The following OR4K17 variants were observed in gnomAD, a reference collection of about 807,000 sequenced individuals.
OR4K17 encodes olfactory receptor family 4 subfamily K member 17.
For missense variants in OR4K17, 480 were observed against 366.3 expected, an observed-to-expected ratio of 1.31 and a Z score of -2.53; for synonymous variants, 157 against 132.8, an observed-to-expected ratio of 1.18 and a Z score of -1.25.
intron 1 of OR4K17, among the ~76,000 whole-genome samples, chr14:20,114,980 C>T (rs1017452057): frequency 3.9e-5 from 6 of 152,044 alleles, no homozygotes; most frequent in Non-Finnish European, 8.8e-5. Context: ...AAGCCACTGT[C>T]AAGCTTAAAC....
At chr14:20,115,517 AAAT>A (rs1877969831) in intron 1 of OR4K17, among the ~76,000 whole-genome samples, 1 of 152,062 alleles carries the variant, frequency 6.6e-6, no homozygotes, top group African/African-American at 2.4e-5. Context: ...TATAATCCAG[AAAT>A]AATAAGAAAG....
rs1878157276 is a variant in OR4K17, at chr14:20,121,106, GT to G, written c.*2669del. ...CCTCCATACAGGGGAAGTTCTTTCTGTACTGAAACCAGCCTGTGAAGTCTGG... is the reference window on the plus strand; with the variant it reads ...CCTCCATACAGGGGAAGTTCTTTCTGACTGAAACCAGCCTGTGAAGTCTGG... On this transcript the variant is annotated 3_prime_UTR_variant, in exon 2 of 2. Coordinates refer to ENST00000641386, the MANE Select transcript of OR4K17 (RefSeq NM_001004715.5). 2.0e-5 allele frequency: 3 copies of G among 152,150 alleles called. No individual in the cohort carries two copies. The highest frequency in any genetic ancestry group is 7.2e-5 in the African/African-American group (3 of 41,430). 9.4% of individuals were successfully genotyped at this position (152,150 alleles called of 1,614,324 possible).
Position 20,117,619 on chromosome 14 carries a change from G to A in OR4K17, c.120G>A (p.Leu40=). Residue 40 remains leucine, a synonymous_variant, in exon 2 of 2, where the codon TTG becomes TTA. Transcript: ENST00000641386. ...LFSVIYVVTV[L]GNLLIIVTVF... is the part of the protein sequence containing the mutation. ...CGGTTATCTATGTGGTCACAGTTTT[G>A]GGTAACCTTCTTATTATAGTCACAG... 1.2e-6 allele frequency: 2 copies of A among 1,613,618 alleles called. No homozygotes were observed. The highest frequency in any genetic ancestry group is 1.7e-6 in the Non-Finnish European group (2 of 1,179,802).
chr14:20,113,668 C>T (rs1295922268), intron 1 of OR4K17, among the ~76,000 whole-genome samples: 1 of 151,874 alleles, frequency 6.6e-6, no homozygotes, highest in Non-Finnish European at 1.5e-5. Context: ...GTACAGAAAA[C>T]CTTGAGTACA....
At chr14:20,111,722 A>G (rs892894785) in intron 1 of OR4K17, among the ~76,000 whole-genome samples, 1 of 152,178 alleles carries the variant, frequency 6.6e-6, no homozygotes, top group Admixed American at 6.6e-5. Flanking sequence ...AGATGAATAA[A>G]GAAGAGCTTA....
At chr14:20,111,473 C>A (rs1877882149) in intron 1 of OR4K17, among the ~76,000 whole-genome samples, 1 of 151,928 alleles carries the variant, frequency 6.6e-6, no homozygotes, top group African/African-American at 2.4e-5. Context: ...TTTCCTGAAA[C>A]TATCTTTCTA....
At chr14:20,114,577 C>T (rs867758345) in intron 1 of OR4K17, among the ~76,000 whole-genome samples, 1 of 152,018 alleles carries the variant, frequency 6.6e-6, no homozygotes, top group Non-Finnish European at 1.5e-5. Flanking sequence ...AGTCTTAATT[C>T]TGTTTCCATT....
At position 20,117,843 on chromosome 14, in the gene OR4K17, T is replaced by G; in HGVS notation, c.344T>G (p.Leu115Trp). The part of the protein sequence containing the change: ...HLLGGVEMVL[L>W]VSMAFDRYVA... ...CTGGGTGGGGTTGAAATGGTACTGT[T>G]GGTCTCCATGGCTTTTGACAGATAT... Residue 115 changes from leucine to tryptophan, a missense_variant, in exon 2 of 2, where the codon TTG becomes TGG. Transcript: ENST00000641386. The G allele has an allele frequency of 1.9e-6, 3 of 1,614,100 alleles. No homozygotes were observed. Among genetic ancestry groups the G allele is most frequent in the Non-Finnish European group, 2.5e-6 (3 of 1,180,008 alleles).
At position 20,117,578 on chromosome 14, in the gene OR4K17, C is replaced by G. The variant is rs1878026258; in HGVS notation, c.79C>G (p.Leu27Val). Reference sequence around the variant, plus strand: ...CAGCTCCCAGGATGTAGAGTTTCTTCTCTTTGCCCTCTTCTCGGTTATCTA... The same window carrying G: ...CAGCTCCCAGGATGTAGAGTTTCTTGTCTTTGCCCTCTTCTCGGTTATCTA... ...LTSSQDVEFL[L>V]FALFSVIYVV... The change falls in exon 2 of 2, where the codon CTC becomes GTC. Residue 27 changes from leucine (L) to valine (V), a missense_variant. Leu to Val is a conservative substitution (Grantham distance 32, BLOSUM62 1). Coordinates refer to ENST00000641386, the MANE Select transcript of OR4K17 (RefSeq NM_001004715.5). 2 of 1,613,818 alleles carry G rather than the reference C, an allele frequency of 1.2e-6. No individual in the cohort carries two copies. The highest frequency in any genetic ancestry group is 3.3e-5 in the Admixed American group (2 of 59,952).
In OR4K17 at chr14:20,120,371, T is replaced by TA. The variant is rs1470549626; in HGVS notation, c.*1937dup. On this transcript the variant is annotated 3_prime_UTR_variant, in exon 2 of 2. Coordinates refer to ENST00000641386, the MANE Select transcript of OR4K17 (RefSeq NM_001004715.5). ...GATACCTTTATGGTTGTTAATATTA[T>TA]AAAATCTCACTTTCACCTCCTTGTC... The TA allele has an allele frequency of 1.3e-5, 2 of 152,206 alleles. No individual in the cohort carries two copies. Among genetic ancestry groups the TA allele is most frequent in the African/African-American group, 4.8e-5 (2 of 41,452 alleles). The allele number at this position is 152,206 out of a possible 1,614,324, so 9.4% of individuals were successfully genotyped here. A position where few individuals can be genotyped will look rare whatever the true frequency, so the allele number is the denominator to read the frequency against.
Position 20,119,573 on chromosome 14 carries a change from G to T in OR4K17, c.*1135G>T, listed in dbSNP as rs1878109629. On this transcript the variant is annotated 3_prime_UTR_variant, in exon 2 of 2. Coordinates refer to ENST00000641386, the MANE Select transcript of OR4K17 (RefSeq NM_001004715.5). Reference sequence around the variant, plus strand: ...GCTTCAGCAGGTCCCTCTGTTCGGGGTCCCTGACTTCCCGCAACAGAGCCA... The same window carrying T: ...GCTTCAGCAGGTCCCTCTGTTCGGGTTCCCTGACTTCCCGCAACAGAGCCA... 6.6e-6 allele frequency: 1 copy of T among 152,502 alleles called. No homozygotes were observed. The highest frequency in any genetic ancestry group is 1.5e-5 in the Non-Finnish European group (1 of 68,032). The allele number at this position is 152,502 out of a possible 1,614,324, so 9.4% of individuals were successfully genotyped here.
In OR4K17 at chr14:20,118,360, T is replaced by C. The variant is rs12101112; in HGVS notation, c.861T>C (p.Tyr287=). ...IITPILNPII[Y]TLRNKEMKIS... is the part of the protein sequence containing the mutation. Reference sequence around the variant, plus strand: ...CTCCTATCTTGAATCCAATTATCTATACTCTGAGAAACAAAGAAATGAAGA... The same window carrying C: ...CTCCTATCTTGAATCCAATTATCTACACTCTGAGAAACAAAGAAATGAAGA... Residue 287 remains tyrosine, a synonymous_variant, in exon 2 of 2, where the codon TAT becomes TAC. Transcript: ENST00000641386. The C allele has an allele frequency of 2.5e-3, 4,088 of 1,610,616 alleles. 107 individuals are homozygous for C. In the African/African-American group the frequency reaches 0.049, roughly 19 times the overall value.
chr14:20,113,415 G>A (rs1877922619), intron 1 of OR4K17, among the ~76,000 whole-genome samples: 1 of 151,920 alleles, frequency 6.6e-6, no homozygotes, highest in African/African-American at 2.4e-5. Flanking sequence ...ATGAAGTCCT[G>A]AATTTGAATC....
rs148379034 is a variant in OR4K17 at position 20,112,681 on chromosome 14, T to C, written c.-33+1789T>C. On this transcript the variant is annotated intron_variant, in intron 1 of 1. Transcript: ENST00000641386. ...CCAGCTCAAGTCCTTGAACCTGATATACATGTTTTCCTCAGAGAAGGTTTA... is the reference window on the plus strand; with the variant it reads ...CCAGCTCAAGTCCTTGAACCTGATACACATGTTTTCCTCAGAGAAGGTTTA... Among the ~76,000 whole-genome samples the C allele has an allele frequency of 5.3e-3, 811 of 152,130 alleles. 11 individuals carry two copies. Among genetic ancestry groups the C allele is most frequent in the African/African-American group, 0.018 (755 of 41,534 alleles).
In OR4K17 at chr14:20,119,699, G is replaced by T. The variant is rs540525642; in HGVS notation, c.*1261G>T. On this transcript the variant is annotated 3_prime_UTR_variant, in exon 2 of 2. Coordinates refer to ENST00000641386, the MANE Select transcript of OR4K17 (RefSeq NM_001004715.5). Reference sequence around the variant, plus strand: ...CCAAAAATACAAAAATTAGCCAGGCGTGGTGGTGCATCCCTGCAATCCCAG... The same window carrying T: ...CCAAAAATACAAAAATTAGCCAGGCTTGGTGGTGCATCCCTGCAATCCCAG... 1 of 152,192 alleles carries T rather than the reference G, an allele frequency of 6.6e-6. No homozygotes were observed. Among genetic ancestry groups the T allele is most frequent in the African/African-American group, 2.4e-5 (1 of 41,502 alleles). 9.4% of individuals were successfully genotyped at this position (152,192 alleles called of 1,614,324 possible). A position where few individuals can be genotyped will look rare whatever the true frequency, so the allele number is the denominator to read the frequency against.
rs1262325195 is a variant in OR4K17, at chr14:20,119,806, C to A, written c.*1368C>A. 1 of 152,056 alleles carries A rather than the reference C, an allele frequency of 6.6e-6. No individual in the cohort carries two copies. The highest frequency in any genetic ancestry group is 2.4e-5 in the African/African-American group (1 of 41,386). The allele number at this position is 152,056 out of a possible 1,614,324, so 9.4% of individuals were successfully genotyped here. On this transcript the variant is annotated 3_prime_UTR_variant, in exon 2 of 2. Coordinates refer to ENST00000641386, the MANE Select transcript of OR4K17 (RefSeq NM_001004715.5). ...TGAGCTGAGTTTGTGTCACTGCCCT[C>A]CAGCCTGGGTGACAGAGTGAGAGTC... is the stretch of plus-strand genomic sequence containing the variant.
At chr14:20,116,627 C>T (rs987583676) in intron 1 of OR4K17, among the ~76,000 whole-genome samples, 1 of 152,084 alleles carries the variant, frequency 6.6e-6, no homozygotes, top group African/African-American at 2.4e-5. Context: ...AGAATCAAGA[C>T]ATTAGATGTC....
rs575048675 is a variant in OR4K17, at chr14:20,122,038, T to C, written c.*3600T>C. The stretch of plus-strand genomic sequence containing the variant: ...TTTGTATAAGGGACTTAAGCATCTA[T>C]AGATTTTGATAATCACAGGGAGGTC... On this transcript the variant is annotated 3_prime_UTR_variant, in exon 2 of 2. Transcript: ENST00000641386. The C allele has an allele frequency of 6.6e-6, 1 of 152,108 alleles. No homozygotes were observed. The highest frequency in any genetic ancestry group is 2.4e-5 in the African/African-American group (1 of 41,442). 9.4% of individuals were successfully genotyped at this position (152,108 alleles called of 1,614,324 possible). A position where few individuals can be genotyped will look rare whatever the true frequency, so the allele number is the denominator to read the frequency against.
At position 20,119,473 on chromosome 14, in the gene OR4K17, G is replaced by T. The variant is rs1396877703; in HGVS notation, c.*1035G>T. ...GAGATTGTAGTAAAGACAGGCATGA[G>T]AAATTATACAAATATTAATTTGGGG... On this transcript the variant is annotated 3_prime_UTR_variant, in exon 2 of 2. Coordinates refer to ENST00000641386, the MANE Select transcript of OR4K17 (RefSeq NM_001004715.5). The T allele has an allele frequency of 6.6e-6, 1 of 152,186 alleles. No individual in the cohort carries two copies. Among genetic ancestry groups the T allele is most frequent in the Non-Finnish European group, 1.5e-5 (1 of 68,034 alleles). 9.4% of individuals were successfully genotyped at this position (152,186 alleles called of 1,614,324 possible). A position where few individuals can be genotyped will look rare whatever the true frequency, so the allele number is the denominator to read the frequency against.
Sources: gnomAD v4.1 joint callset for allele counts (sites outside exome capture counted in the v4.1 genomes callset) on GRCh38, gnomAD v4.1.1 for gene constraint, MANE v1.5 for transcripts, NCBI Gene and HGNC (gene_info 2026-07-23, HGNC 2026-07-21) for gene names.